CAST: variants seen among roughly 807,000 people sequenced by gnomAD.
CAST encodes MIR583 host.
Under a neutral mutation model 119.6 loss-of-function variants are expected in CAST, and 76 were observed. The ratio of observed to expected loss-of-function variants is 0.64; its 90% CI spans 0.53 to 0.77. CAST has a LOEUF of 0.77. Among genes scored for constraint, CAST ranks in the 30% least tolerant of loss-of-function variants. CAST has a pLI of 0.00. For synonymous variants in CAST, 319 were observed against 331.6 expected (o/e 0.96, Z 0.41); for missense variants, 953 against 946.5 (o/e 1.01, Z -0.09).
chr5:96,052,422 T>C, the CAST span, among the ~76,000 whole-genome samples: 1 of 152,184 alleles, frequency 6.6e-6, no homozygotes, highest in South Asian at 2.1e-4. Flanking sequence ...TCTTCATGAG[T>C]AAATATGTAG....
intron 26 of CAST, among the ~76,000 whole-genome samples, chr5:96,765,537 G>A (rs1188590836): frequency 1.3e-5 from 2 of 152,048 alleles, no homozygotes; most frequent in South Asian, 2.1e-4. Context: ...CTCCCTGAGG[G>A]GATTCTGGGA....
At chr5:96,487,039 C>A in the CAST span, among the ~76,000 whole-genome samples, 1 of 152,212 alleles carries the variant, frequency 6.6e-6, no homozygotes, top group Non-Finnish European at 1.5e-5. Flanking sequence ...TCCTTCCCCC[C>A]ATGGGGCAGT....
the CAST span, among the ~76,000 whole-genome samples, chr5:96,412,755 T>TTTTG: frequency 2.1e-5 from 3 of 141,320 alleles, no homozygotes; most frequent in Admixed American, 6.9e-5. Context: ...CTGTGATGTT[T>TTTTG]TTTTTTTTTT....
At chr5:96,615,678 C>T (rs991030931) in intron 1 of CAST, among the ~76,000 whole-genome samples, 5 of 152,042 alleles carry the variant, frequency 3.3e-5, no homozygotes, top group African/African-American at 9.7e-5. Context: ...GATTATCAGC[C>T]GTCCTATTAT....
At chr5:96,469,366 A>G in the CAST span, among the ~76,000 whole-genome samples, 1 of 152,036 alleles carries the variant, frequency 6.6e-6, no homozygotes, top group Non-Finnish European at 1.5e-5. Context: ...GTTCAGTGGG[A>G]TGGTTTGTGA....
intron 1 of CAST, among the ~76,000 whole-genome samples, chr5:96,672,561 A>T (rs535833744): frequency 6.6e-6 from 1 of 152,060 alleles, no homozygotes; most frequent in South Asian, 2.1e-4. Flanking sequence ...ACAAAAATTA[A>T]TCGGATGTGG....
chr5:96,726,928 A>T (rs550623029), intron 5 of CAST, 69 bp downstream of exon 5: 1 of 1,043,052 alleles, frequency 9.6e-7, no homozygotes, highest in South Asian at 1.4e-5. Flanking sequence ...AGCATGTGCT[A>T]ATAACTGCAA....
chr5:96,008,874 A>G, the CAST span, among the ~76,000 whole-genome samples: 1 of 152,214 alleles, frequency 6.6e-6, no homozygotes, highest in Non-Finnish European at 1.5e-5. Flanking sequence ...AGTTTGTTAC[A>G]TGGGTATATT....
the CAST span, among the ~76,000 whole-genome samples, chr5:96,223,608 A>C: frequency 6.6e-6 from 1 of 152,106 alleles, no homozygotes; most frequent in Non-Finnish European, 1.5e-5. Context: ...TAGACTTTAC[A>C]CTTCTAGCCT....
the CAST span, among the ~76,000 whole-genome samples, chr5:96,030,316 C>A: frequency 6.6e-6 from 1 of 152,110 alleles, no homozygotes; most frequent in African/African-American, 2.4e-5. Flanking sequence ...ATTTTATTAA[C>A]CTGATTTATA....
At chr5:96,152,893 A>G in the CAST span, among the ~76,000 whole-genome samples, 4 of 152,334 alleles carry the variant, frequency 2.6e-5, no homozygotes, top group East Asian at 5.8e-4. Context: ...CGATCTCCAA[A>G]AAGGCTGCCT....
the CAST span, among the ~76,000 whole-genome samples, chr5:95,982,994 CTA>C: frequency 6.6e-6 from 1 of 152,098 alleles, no homozygotes; most frequent in African/African-American, 2.4e-5. Flanking sequence ...TGAGGCAATT[CTA>C]TATATGTTCA....
At chr5:96,292,741 C>T in the CAST span, among the ~76,000 whole-genome samples, 80 of 152,258 alleles carry the variant, frequency 5.3e-4, no homozygotes, top group Middle Eastern at 3.4e-3. Flanking sequence ...GAGACTGACG[C>T]GCTGCCCACT....
chr5:96,723,127 T>C (rs902867143), intron 4 of CAST, among the ~76,000 whole-genome samples: 1 of 151,960 alleles, frequency 6.6e-6, no homozygotes, highest in Non-Finnish European at 1.5e-5. Context: ...TTTGTTTGTT[T>C]GTTTGTTTGT....
chr5:95,981,603 C>T, the CAST span, among the ~76,000 whole-genome samples: 63 of 152,298 alleles, frequency 4.1e-4, no homozygotes, highest in African/African-American at 1.5e-3. Context: ...TGGCCCAGCG[C>T]AGTGGCTCAC....
the CAST span, among the ~76,000 whole-genome samples, chr5:95,991,492 GTTTTGTTTT>G: frequency 1.1e-4 from 14 of 123,368 alleles, no homozygotes; most frequent in East Asian, 5.4e-4. Context: ...TTAACAACAA[GTTTTGTTTT>G]TTTTTTTTTT....
At chr5:96,223,962 G>A in the CAST span, among the ~76,000 whole-genome samples, 30 of 152,152 alleles carry the variant, frequency 2.0e-4, no homozygotes, top group Non-Finnish European at 7.4e-5. Flanking sequence ...GAAATAGTGA[G>A]CTAAGCAATT....
At chr5:96,341,056 G>C in the CAST span, among the ~76,000 whole-genome samples, 1 of 152,114 alleles carries the variant, frequency 6.6e-6, no homozygotes, top group Non-Finnish European at 1.5e-5. Flanking sequence ...CCTGATCCTA[G>C]GACTAATAAA....
chr5:96,252,238 G>A, the CAST span, among the ~76,000 whole-genome samples: 1 of 152,018 alleles, frequency 6.6e-6, no homozygotes, highest in Admixed American at 6.6e-5. Context: ...AAAGGAAAAA[G>A]CCTAAGAATG....
Sources: gnomAD v4.1 joint callset for allele counts (sites outside exome capture counted in the v4.1 genomes callset) on GRCh38, gnomAD v4.1.1 for gene constraint, MANE v1.5 for transcripts, NCBI Gene and HGNC (gene_info 2026-07-23, HGNC 2026-07-21) for gene names.